The following VPS13A variants were observed in gnomAD, a reference collection of about 807,000 sequenced individuals.
VPS13A encodes intermembrane lipid transfer protein VPS13A.
In VPS13A, 264 loss-of-function variants were observed where a neutral mutation model predicts 390.9. The ratio of observed to expected loss-of-function variants is 0.68; its 90% confidence interval spans 0.61 to 0.75. The LOEUF is 0.75. Among genes scored for constraint, VPS13A ranks in the 30% least tolerant of loss-of-function variants. The pLI is 0.00. For synonymous variants in VPS13A, 1,231 were observed against 1,227.1 expected (o/e 1.00, Z -0.07); for missense variants, 3,409 against 3,733.9 (o/e 0.91, Z 2.27).
chr9:77,324,711 C>T (rs1829915246), intron 45 of VPS13A, among the ~76,000 whole-genome samples: 1 of 152,072 alleles, frequency 6.6e-6, no homozygotes, highest in South Asian at 2.1e-4. Flanking sequence ...TTGAATCTTG[C>T]TCTGTGTCCA....
intron 14 of VPS13A, 59 bp downstream of exon 14, chr9:77,226,047 A>C: frequency 6.9e-7 from 1 of 1,441,188 alleles, no homozygotes; most frequent in Non-Finnish European, 9.7e-7. Flanking sequence ...GATATGACAG[A>C]TGTGATATTA....
At chr9:77,343,906 C>T (rs1052990851) in intron 50 of VPS13A, among the ~76,000 whole-genome samples, 2 of 152,164 alleles carry the variant, frequency 1.3e-5, no homozygotes, top group African/African-American at 4.8e-5. Context: ...TCTCTTTTCT[C>T]GCCAGCAGTT....
chr9:77,367,442 A>T (rs1026554144), intron 61 of VPS13A, among the ~76,000 whole-genome samples: 1 of 152,340 alleles, frequency 6.6e-6, no homozygotes, highest in South Asian at 2.1e-4. Context: ...GTAAGAATCA[A>T]TAAGTCCAAC....
chr9:77,180,063 A>T (rs921961632), intron 1 of VPS13A, among the ~76,000 whole-genome samples: 1 of 152,194 alleles, frequency 6.6e-6, no homozygotes, highest in African/African-American at 2.4e-5. Context: ...GGGTTGAATA[A>T]TATTCCATTA....
intron 71 of VPS13A, among the ~76,000 whole-genome samples, chr9:77,408,450 C>G (rs964646641): frequency 1.3e-5 from 2 of 152,174 alleles, no homozygotes; most frequent in Non-Finnish European, 2.9e-5. Flanking sequence ...GGGTGCAGGA[C>G]AGTGGGTGCA....
intron 1 of VPS13A, among the ~76,000 whole-genome samples, chr9:77,184,302 G>C (rs941428865): frequency 6.6e-6 from 1 of 151,972 alleles, no homozygotes. Context: ...ATTCTGCTTT[G>C]CTGAGAGTGT....
At chr9:77,275,423 A>G (rs1826595266) in intron 24 of VPS13A, 75 bp from the exon 25 acceptor site, 1 of 1,405,906 alleles carries the variant, frequency 7.1e-7, no homozygotes, top group East Asian at 2.3e-5. Flanking sequence ...TTTAGTGTTC[A>G]TATTTATTTC....
At chr9:77,273,397 A>AT in intron 24 of VPS13A, 33 bp downstream of exon 24, 1 of 1,511,590 alleles carries the variant, frequency 6.6e-7, no homozygotes, top group Non-Finnish European at 9.0e-7. Context: ...TATTTTTCTT[A>AT]TTTTATTAAA....
At chr9:77,214,287 T>A (rs894712810) in intron 9 of VPS13A, 42 bp from the exon 10 acceptor site, 9 of 1,562,426 alleles carry the variant, frequency 5.8e-6, no homozygotes, top group South Asian at 1.1e-5. Flanking sequence ...AAAAAAGACA[T>A]ATTGGCATGA....
chr9:77,399,500 A>G (rs1217929028), intron 68 of VPS13A, among the ~76,000 whole-genome samples: 2 of 151,110 alleles, frequency 1.3e-5, no homozygotes, highest in Non-Finnish European at 1.5e-5. Flanking sequence ...AAAGTTAGGT[A>G]CTTGGAATAA....
chr9:77,312,392 G>C (rs1170876653), intron 35 of VPS13A, among the ~76,000 whole-genome samples: 2 of 151,704 alleles, frequency 1.3e-5, no homozygotes, highest in Admixed American at 6.6e-5. Flanking sequence ...TATGTAAATG[G>C]GCAGTGAACA....
chr9:77,307,848 A>G lies in VPS13A; in HGVS notation c.3961-97A>G, dbSNP rs570782875. 3 of 993,006 alleles carry G rather than the reference A, an allele frequency of 3.0e-6. No homozygotes were observed. In the Admixed American group the frequency reaches 6.6e-5, roughly 22 times the overall value. The allele number at this position is 993,006 out of a possible 1,614,324, so 61.5% of individuals were successfully genotyped here. ...TTAATTGGTGTGGTAGAGGATTGAA[A>G]CAGTCTTTCATTTTTCTCCTCTGAG... On this transcript the variant is annotated intron_variant, in intron 34 of 71. Coordinates refer to ENST00000360280, the MANE Select transcript of VPS13A (RefSeq NM_033305.3).
At chr9:77,190,496 T>C (rs1481212555) in intron 1 of VPS13A, among the ~76,000 whole-genome samples, 1 of 152,238 alleles carries the variant, frequency 6.6e-6, no homozygotes, top group African/African-American at 2.4e-5. Flanking sequence ...TTGAAGATTT[T>C]TGCATTTATG....
intron 22 of VPS13A, among the ~76,000 whole-genome samples, chr9:77,253,758 T>G (rs1236762416): frequency 3.3e-5 from 5 of 152,118 alleles, no homozygotes; most frequent in Non-Finnish European, 5.9e-5. Flanking sequence ...CCAGTTTATC[T>G]TAGTTGCCTA....
At chr9:77,186,096 C>T (rs758567709) in intron 1 of VPS13A, among the ~76,000 whole-genome samples, 2 of 152,120 alleles carry the variant, frequency 1.3e-5, no homozygotes, top group Admixed American at 6.6e-5. Flanking sequence ...CTAGCCTGGG[C>T]GACAGTGCGA....
At chr9:77,254,516 A>G (rs977481266) in intron 22 of VPS13A, among the ~76,000 whole-genome samples, 1 of 152,130 alleles carries the variant, frequency 6.6e-6, no homozygotes, top group Non-Finnish European at 1.5e-5. Flanking sequence ...GCTATTCGGG[A>G]TCCTTTGGTA....
At chr9:77,222,422 ATC>A (rs771926361) in intron 13 of VPS13A, among the ~76,000 whole-genome samples, 2 of 152,214 alleles carry the variant, frequency 1.3e-5, no homozygotes, top group African/African-American at 2.4e-5. Context: ...GATTTAGCTA[ATC>A]TCAGCTTATT....
chr9:77,348,428 C>T (rs1023454044), intron 52 of VPS13A, among the ~76,000 whole-genome samples: 2 of 152,094 alleles, frequency 1.3e-5, no homozygotes, highest in Non-Finnish European at 2.9e-5. Context: ...AACACATGGA[C>T]ACAGGGAGGG....
intron 68 of VPS13A, among the ~76,000 whole-genome samples, chr9:77,397,116 A>G (rs1308814429): frequency 6.6e-6 from 1 of 152,122 alleles, no homozygotes; most frequent in Non-Finnish European, 1.5e-5. Context: ...CAGCCTCCCA[A>G]GTAGCTGGGA....
Sources: gnomAD v4.1 joint callset for allele counts (sites outside exome capture counted in the v4.1 genomes callset) on GRCh38, gnomAD v4.1.1 for gene constraint, MANE v1.5 for transcripts, NCBI Gene and HGNC (gene_info 2026-07-23, HGNC 2026-07-21) for gene names.